The following DNASE1L3 variants were observed in gnomAD, a reference collection of about 807,000 sequenced individuals.
DNASE1L3 encodes the protein deoxyribonuclease gamma.
Under a neutral mutation model 30.9 loss-of-function variants are expected in DNASE1L3, and 27 were observed. That is an observed-to-expected ratio of 0.87 (90% CI 0.64 to 1.20). The LOEUF (loss-of-function observed/expected upper bound fraction) is 1.20. Ranked by LOEUF, DNASE1L3 falls within the 50% of genes most tolerant of loss-of-function variation. DNASE1L3 has a pLI of 0.00. For synonymous variants in DNASE1L3, 135 were observed against 138.0 expected (o/e 0.98, Z 0.15); for missense variants, 364 against 378.2 (o/e 0.96, Z 0.31).
At chr3:58,207,431 C>G (rs1485709233) in intron 2 of DNASE1L3, among the ~76,000 whole-genome samples, 2 of 118,204 alleles carry the variant, frequency 1.7e-5, no homozygotes, top group African/African-American at 6.9e-5. Flanking sequence ...CACCACAGCT[C>G]TCTGATCACA....
rs540520714 is a variant in DNASE1L3, at chr3:58,202,426, G to C, written c.434-1317C>G. On this transcript the variant is annotated intron_variant, in intron 4 of 7. Transcript: ENST00000394549. Reference sequence around the variant, plus strand: ...GATCCACCCATCTCAGCCTCCCAAAGTGCTGGGATTACAGGTGTGAGCCAC... The same window carrying C: ...GATCCACCCATCTCAGCCTCCCAAACTGCTGGGATTACAGGTGTGAGCCAC... Among the ~76,000 whole-genome samples the C allele has an allele frequency of 1.4e-4, 20 of 144,410 alleles. No homozygotes were observed. The South Asian group carries it at 4.4e-3, about 32-fold the overall frequency. The allele number at this position is 144,410 out of a possible 152,430, so 94.7% of individuals were successfully genotyped here.
At chr3:58,201,557 T>C (rs566838733) in intron 4 of DNASE1L3, among the ~76,000 whole-genome samples, 2 of 152,368 alleles carry the variant, frequency 1.3e-5, no homozygotes, top group South Asian at 4.1e-4. Context: ...TATGTCCTTG[T>C]ACCTTAACCA....
rs1171213238 is a variant in DNASE1L3, at chr3:58,202,317, GTTTTTTTT to G, written c.434-1216_434-1209del. The stretch of plus-strand genomic sequence containing the variant: ...TGCACCATCATGCCTGGCTAGCTTT[GTTTTTTTT>G]TTTTTTTTTTTTTTTTTGGTAGAGA... On this transcript the variant is annotated intron_variant, in intron 4 of 7. Coordinates refer to ENST00000394549, the MANE Select transcript of DNASE1L3 (RefSeq NM_004944.4). Among the ~76,000 whole-genome samples, 195 of 48,860 alleles carry G rather than the reference GTTTTTTTT, an allele frequency of 4.0e-3. 2 individuals are homozygous for G. Among genetic ancestry groups the G allele is most frequent in the African/African-American group, 0.015 (175 of 11,764 alleles). 32.1% of individuals were successfully genotyped at this position (48,860 alleles called of 152,430 possible).
intron 2 of DNASE1L3, chr3:58,207,899 A>G (rs1429354602): frequency 3.8e-6 from 1 of 261,166 alleles, no homozygotes; most frequent in Non-Finnish European, 7.2e-6. Context: ...TCTTTCTTCT[A>G]CTATTGGTTT....
At chr3:58,199,522 T>C (rs2097399305) in intron 5 of DNASE1L3, among the ~76,000 whole-genome samples, 1 of 151,916 alleles carries the variant, frequency 6.6e-6, no homozygotes, top group Admixed American at 6.6e-5. Context: ...ATATAAAAAT[T>C]AGCCAGGCGT....
At position 58,204,768 on chromosome 3, in the gene DNASE1L3, C is replaced by G. The variant is rs1213968720; in HGVS notation, c.433+1G>C. On this transcript the variant is annotated splice_donor_variant, in intron 4 of 7. Transcript: ENST00000394549. LOFTEE classifies it high-confidence loss of function. ...GACAGAAAGGCCTGTGTGGGTCTTA[C>G]CAGTGTGGGGAGATTGGAACCAGAC... The G allele has an allele frequency of 6.2e-7, 1 of 1,613,846 alleles. No homozygotes were observed. The highest frequency in any genetic ancestry group is 1.1e-5 in the South Asian group (1 of 91,046).
chr3:58,204,676 C>G (rs1252741567), intron 4 of DNASE1L3, 93 bp downstream of exon 4: 4 of 1,015,606 alleles, frequency 3.9e-6, no homozygotes, highest in South Asian at 2.9e-5. Context: ...CACATCCAGC[C>G]TAATGCCTCC....
intron 4 of DNASE1L3, among the ~76,000 whole-genome samples, chr3:58,202,945 C>T (rs949283661): frequency 2.0e-5 from 3 of 152,142 alleles, no homozygotes; most frequent in African/African-American, 7.2e-5. Flanking sequence ...ATGGTCTTCA[C>T]GAAAGACTTT....
chr3:58,197,895 G>A lies in DNASE1L3; in HGVS notation c.630C>T (p.Asp210=). The change falls in exon 6 of 8, where the codon GAC becomes GAT. Residue 210 remains aspartate (D), a synonymous_variant. Transcript: ENST00000394549. The surrounding 1 kb of genome is among the most constrained non-coding windows in gnomAD (Gnocchi z 5.3). ...CCCCGATCAGCCAAACAAACCTGGGGTCAGTCCTCAAGCGGATGTTCTTCC... is the reference window on the plus strand; with the variant it reads ...CCCCGATCAGCCAAACAAACCTGGGATCAGTCCTCAAGCGGATGTTCTTCC... The part of the protein sequence containing the change: ...KAWKNIRLRT[D]PRFVWLIGDQ... The A allele has an allele frequency of 3.7e-6, 6 of 1,614,216 alleles. No individual in the cohort carries two copies. The highest frequency in any genetic ancestry group is 5.1e-6 in the Non-Finnish European group (6 of 1,180,046).
intron 4 of DNASE1L3, among the ~76,000 whole-genome samples, chr3:58,202,980 C>T (rs1380104336): frequency 1.3e-5 from 2 of 152,182 alleles, no homozygotes; most frequent in South Asian, 4.1e-4. Context: ...AAACCTTCCC[C>T]CACCGTTGGA....
At chr3:58,210,619 CAG>C (rs1170556962) in intron 1 of DNASE1L3, 145 bp downstream of exon 1, 6 of 1,243,028 alleles carry the variant, frequency 4.8e-6, no homozygotes, top group Non-Finnish European at 6.8e-6. Context: ...GCAGGAGGTA[CAG>C]AGAGTTGAAG....
In DNASE1L3 at chr3:58,192,606, T is replaced by C; in HGVS notation, c.*81A>G. ...AAGCAGTTGGATCACTCTTGTTTCC[T>C]AAGTACAGGGAGCAGTTCATATCTG... On this transcript the variant is annotated 3_prime_UTR_variant, in exon 8 of 8. Coordinates refer to ENST00000394549, the MANE Select transcript of DNASE1L3 (RefSeq NM_004944.4). This position sits in a 1 kb window ranked among gnomAD's most constrained non-coding sequence, Gnocchi z 4.8. The C allele has an allele frequency of 7.1e-7, 1 of 1,401,374 alleles. No homozygotes were observed. The allele number at this position is 1,401,374 out of a possible 1,614,324, so 86.8% of individuals were successfully genotyped here.
intron 6 of DNASE1L3, among the ~76,000 whole-genome samples, chr3:58,194,982 AT>A (rs1303233933): frequency 6.6e-6 from 1 of 152,218 alleles, no homozygotes; most frequent in Non-Finnish European, 1.5e-5. Flanking sequence ...CAAGTTAGAC[AT>A]TTGTGAAAGC....
intron 2 of DNASE1L3, among the ~76,000 whole-genome samples, chr3:58,206,282 T>C (rs2097403846): frequency 6.6e-6 from 1 of 152,176 alleles, no homozygotes; most frequent in South Asian, 2.1e-4. Flanking sequence ...CAAAAAGATC[T>C]AGGGCATGTC....
rs548797762 is a variant in DNASE1L3, at chr3:58,197,555, C to A, written c.704+266G>T. 2.0e-5 allele frequency among the ~76,000 whole-genome samples: 3 copies of A among 152,208 alleles called. No homozygotes were observed. The highest frequency in any genetic ancestry group is 2.0e-4 in the Admixed American group (3 of 15,278). On this transcript the variant is annotated intron_variant, in intron 6 of 7. Transcript: ENST00000394549. The surrounding 1 kb of genome is among the most constrained non-coding windows in gnomAD (Gnocchi z 5.3). ...GCAGCCTCCACCTTCTGGGCTCAAGCGATCCTCCCACCTCAGCCTCCTGAG... is the reference window on the plus strand; with the variant it reads ...GCAGCCTCCACCTTCTGGGCTCAAGAGATCCTCCCACCTCAGCCTCCTGAG...
chr3:58,204,069 G>A (rs1465775957), intron 4 of DNASE1L3, among the ~76,000 whole-genome samples: 1 of 151,996 alleles, frequency 6.6e-6, no homozygotes, highest in African/African-American at 2.4e-5. Context: ...GGCCTGTGGA[G>A]GAGTCTGCGA....
chr3:58,199,088 C>T (rs2097399041), intron 5 of DNASE1L3, among the ~76,000 whole-genome samples: 1 of 152,168 alleles, frequency 6.6e-6, no homozygotes, highest in South Asian at 2.1e-4. Flanking sequence ...TCTTCAAGAA[C>T]ATTTTATTTT....
intron 5 of DNASE1L3, among the ~76,000 whole-genome samples, chr3:58,198,996 T>C (rs1472292492): frequency 6.6e-6 from 1 of 152,214 alleles, no homozygotes; most frequent in Non-Finnish European, 1.5e-5. Flanking sequence ...AACAGAATTT[T>C]CAACATTCCA....
chr3:58,206,990 G>A lies in DNASE1L3; in HGVS notation c.230+1228C>T, dbSNP rs1014340419. Among the ~76,000 whole-genome samples, 5 of 152,092 alleles carry A rather than the reference G, an allele frequency of 3.3e-5. No homozygotes were observed. The East Asian group carries it at 9.7e-4, about 29-fold the overall frequency. ...ATGATGGATAAGCCCAGAGCCTGGG[G>A]GATGATGGCACCAGGATCTACCATC... On this transcript the variant is annotated intron_variant, in intron 2 of 7. Coordinates refer to ENST00000394549, the MANE Select transcript of DNASE1L3 (RefSeq NM_004944.4).
Sources: gnomAD v4.1 joint callset for allele counts (sites outside exome capture counted in the v4.1 genomes callset) on GRCh38, gnomAD v4.1.1 for gene constraint, Gnocchi (gnomAD v3.1) non-coding constraint, MANE v1.5 for transcripts, NCBI Gene and HGNC (gene_info 2026-07-23, HGNC 2026-07-21) for gene names.